FAM193A: variants seen among roughly 807,000 people sequenced by gnomAD.
FAM193A encodes the protein family with sequence similarity 193 member A.
In FAM193A, 22 loss-of-function variants were observed where a neutral mutation model predicts 126.5. The observed-to-expected ratio is 0.17, with a 90% confidence interval of 0.12 to 0.25. FAM193A has a LOEUF of 0.25. Ranked by LOEUF, FAM193A falls within the 10% of genes least tolerant of loss-of-function variation. The pLI is 1.00. For synonymous variants in FAM193A, 761 were observed against 646.8 expected, an observed-to-expected ratio of 1.18 and a Z score of -2.68; for missense variants, 1,675 against 1,672.8, an observed-to-expected ratio of 1.00 and a Z score of -0.02.
chr4:2,656,916 C>G (rs967299958), intron 7 of FAM193A, among the ~76,000 whole-genome samples: 1 of 152,196 alleles, frequency 6.6e-6, no homozygotes, highest in Non-Finnish European at 1.5e-5. Flanking sequence ...CTTATAATCC[C>G]AGCACTTTGG....
intron 13 of FAM193A, among the ~76,000 whole-genome samples, chr4:2,673,717 A>G (rs1405382096): frequency 1.3e-5 from 2 of 152,168 alleles, no homozygotes. Flanking sequence ...AGAGAGCTCT[A>G]TTACCTAGTT....
Position 2,657,895 on chromosome 4 carries a change from A to T in FAM193A, c.1389+15A>T. On this transcript the variant is annotated intron_variant, in intron 8 of 20. Coordinates refer to ENST00000637812, the MANE Select transcript of FAM193A (RefSeq NM_001366318.2). ...TTGAAGAACAGGTAAGCTTGTCAAT[A>T]AGAGAGGCAATTAAAGGAAGTAGAA... 1 of 1,551,684 alleles carries T rather than the reference A, an allele frequency of 6.4e-7. No individual in the cohort carries two copies. The highest frequency in any genetic ancestry group is 8.9e-7 in the Non-Finnish European group (1 of 1,129,790).
chr4:2,536,465 G>A (rs2108793422), upstream of FAM193A, among the ~76,000 whole-genome samples: 1 of 151,688 alleles, frequency 6.6e-6, no homozygotes, highest in South Asian at 2.1e-4. Context: ...TGCACGGGCA[G>A]CACGGACTTC....
chr4:2,616,907 G>A (rs1316332734), intron 2 of FAM193A, among the ~76,000 whole-genome samples: 4 of 146,844 alleles, frequency 2.7e-5, no homozygotes, highest in Non-Finnish European at 6.0e-5. Flanking sequence ...GGTGGCTCTC[G>A]CCTGTAACCC....
At chr4:2,731,653 A>T in intron 20 of FAM193A, 122 bp from the exon 21 acceptor site, 1 of 737,016 alleles carries the variant, frequency 1.4e-6, no homozygotes, top group Non-Finnish European at 2.3e-6. Context: ...CTCACCGAGA[A>T]TCTAAACCCC....
chr4:2,596,031 T>C, intron 1 of FAM193A, 53 bp from the exon 2 acceptor site: 1 of 660,656 alleles, frequency 1.5e-6, no homozygotes, highest in South Asian at 1.7e-5. Flanking sequence ...ATTTTAATAT[T>C]CTTGGCTTTG....
intron 5 of FAM193A, among the ~76,000 whole-genome samples, chr4:2,632,409 A>C (rs1743683010): frequency 1.3e-5 from 2 of 152,222 alleles, no homozygotes; most frequent in South Asian, 4.1e-4. Flanking sequence ...ATACCAAAAA[A>C]ATTTAAAATT....
At chr4:2,580,318 G>T (rs1739847320) in intron 1 of FAM193A, among the ~76,000 whole-genome samples, 1 of 152,088 alleles carries the variant, frequency 6.6e-6, no homozygotes, top group Non-Finnish European at 1.5e-5. Context: ...CATACACTGT[G>T]GCCTATCAAA....
At chr4:2,602,214 T>A (rs890527699) in intron 2 of FAM193A, among the ~76,000 whole-genome samples, 3 of 148,094 alleles carry the variant, frequency 2.0e-5, no homozygotes, top group African/African-American at 4.9e-5. Context: ...GAATGTGATT[T>A]AAAAAAAAAA....
At chr4:2,699,446 C>CCCACACACA (rs748329252) in intron 18 of FAM193A, among the ~76,000 whole-genome samples, 1 of 103,478 alleles carries the variant, frequency 9.7e-6, no homozygotes, top group African/African-American at 3.5e-5. Flanking sequence ...ACCCCCCCCC[C>CCCACACACA]CACACACACA....
intron 1 of FAM193A, among the ~76,000 whole-genome samples, chr4:2,552,847 CTTTTTTTTTT>C (rs5855745): frequency 8.4e-6 from 1 of 119,398 alleles, no homozygotes; most frequent in East Asian, 2.4e-4. Flanking sequence ...ACAGAACTTT[CTTTTTTTTTT>C]TTTTTTTTTT....
intron 2 of FAM193A, among the ~76,000 whole-genome samples, chr4:2,599,303 C>T (rs1343682139): frequency 2.0e-5 from 3 of 152,044 alleles, no homozygotes; most frequent in Non-Finnish European, 4.4e-5. Flanking sequence ...CCCCTTCTCC[C>T]TGGAGGGGCT....
rs114888270 is a variant in FAM193A, at chr4:2,553,659, G to A, written c.255+16489G>A. On this transcript the variant is annotated intron_variant, in intron 1 of 20. Transcript: ENST00000637812. ...CTTCCAAAGTGCTGGGATTACAGGC[G>A]TGACTTCTCCTTTGACTTACAGTTT... Among the ~76,000 whole-genome samples, 764 of 152,068 alleles carry A rather than the reference G, an allele frequency of 5.0e-3. 4 individuals carry two copies. Among genetic ancestry groups the A allele is most frequent in the African/African-American group, 0.017 (725 of 41,484 alleles).
intron 19 of FAM193A, among the ~76,000 whole-genome samples, chr4:2,706,726 G>A (rs887599778): frequency 2.0e-5 from 3 of 150,924 alleles, no homozygotes; most frequent in Non-Finnish European, 4.4e-5. Flanking sequence ...GTAATATCTC[G>A]TAGGGCTGTT....
At chr4:2,575,560 G>C (rs1458528478) in intron 1 of FAM193A, among the ~76,000 whole-genome samples, 1 of 149,084 alleles carries the variant, frequency 6.7e-6, no homozygotes, top group African/African-American at 2.5e-5. Context: ...TCTGCTTCCC[G>C]GGTTCAAGTG....
chr4:2,644,694 C>T (rs1744957014), intron 6 of FAM193A, among the ~76,000 whole-genome samples: 1 of 152,082 alleles, frequency 6.6e-6, no homozygotes, highest in Non-Finnish European at 1.5e-5. Flanking sequence ...TAGGTGAGTG[C>T]ACAGATGGCT....
At chr4:2,586,799 G>T (rs1020103084) in intron 1 of FAM193A, among the ~76,000 whole-genome samples, 1 of 152,122 alleles carries the variant, frequency 6.6e-6, no homozygotes, top group Non-Finnish European at 1.5e-5. Context: ...GACTACAGGT[G>T]CATGCCACTA....
intron 13 of FAM193A, among the ~76,000 whole-genome samples, chr4:2,684,604 A>T (rs1330426961): frequency 1.3e-5 from 2 of 152,164 alleles, no homozygotes; most frequent in Non-Finnish European, 2.9e-5. Context: ...ACAGCCCTCC[A>T]TAGTGGATGC....
intron 2 of FAM193A, chr4:2,608,255 T>A: frequency 1.3e-6 from 1 of 776,188 alleles, no homozygotes; most frequent in Non-Finnish European, 2.0e-6. Context: ...CCTGATTCTC[T>A]GCAGCCTTCA....
Sources: allele counts gnomAD v4.1 joint callset (sites outside exome capture counted in the v4.1 genomes callset), GRCh38; gene constraint gnomAD v4.1.1; transcripts MANE v1.5; gene names NCBI Gene and HGNC (gene_info 2026-07-23, HGNC 2026-07-21).